COL4A4: variants seen among roughly 807,000 people sequenced by gnomAD.
COL4A4 encodes collagen type IV alpha 4 chain.
A neutral mutation model predicts 192.9 loss-of-function variants in COL4A4; 105 were observed. That is an observed-to-expected ratio of 0.54 (90% CI 0.46 to 0.64). COL4A4 has a LOEUF of 0.64. Among genes scored for constraint, COL4A4 ranks in the 30% least tolerant of loss-of-function variants. The pLI, the probability that COL4A4 is intolerant of heterozygous loss-of-function variation, is 0.00. For missense variants in COL4A4, 1,967 were observed against 2,169.3 expected (o/e 0.91, Z 1.85); for synonymous variants, 762 against 769.9 (o/e 0.99, Z 0.17).
At chr2:227,021,115 C>T (rs914844566) in intron 44 of COL4A4, among the ~76,000 whole-genome samples, 3 of 152,056 alleles carry the variant, frequency 2.0e-5, no homozygotes, top group Non-Finnish European at 4.4e-5. Context: ...GATCCACCCA[C>T]CTCGGCCTCC....
chr2:227,142,088 T>C (rs1248378548), intron 3 of COL4A4, among the ~76,000 whole-genome samples: 2 of 80,172 alleles, frequency 2.5e-5, no homozygotes, highest in South Asian at 3.7e-4. Context: ...TAAAATAGAT[T>C]AGTAGATTCA....
intron 1 of COL4A4, among the ~76,000 whole-genome samples, chr2:227,148,027 C>T (rs541409242): frequency 5.9e-5 from 9 of 152,102 alleles, no homozygotes; most frequent in Non-Finnish European, 1.2e-4. Context: ...TATTTGTACA[C>T]ATACAGCAAA....
intron 3 of COL4A4, among the ~76,000 whole-genome samples, chr2:227,140,801 A>T (rs1253572696): frequency 6.6e-6 from 1 of 151,946 alleles, no homozygotes; most frequent in East Asian, 1.9e-4. Context: ...TTTCTCAAAC[A>T]GAAACTCCTG....
At chr2:227,149,344 A>G (rs1265624436) in intron 1 of COL4A4, among the ~76,000 whole-genome samples, 2 of 152,184 alleles carry the variant, frequency 1.3e-5, no homozygotes, top group Non-Finnish European at 2.9e-5. Flanking sequence ...TGTTTTAGTT[A>G]TAAACTCAGG....
At chr2:227,015,659 G>T (rs184104025) in intron 44 of COL4A4, among the ~76,000 whole-genome samples, 171 of 152,226 alleles carry the variant, frequency 1.1e-3, no homozygotes, top group African/African-American at 4.0e-3. Flanking sequence ...GGCCTTGTTG[G>T]ATTAACTTCT....
chr2:226,995,188 G>T, the COL4A4 span, among the ~76,000 whole-genome samples: 2 of 152,154 alleles, frequency 1.3e-5, no homozygotes, highest in African/African-American at 4.8e-5. Flanking sequence ...ATACAAGTGG[G>T]AAGATTATCA....
intron 11 of COL4A4, 84 bp from the exon 12 acceptor site, chr2:227,108,706 T>C (rs999049000): frequency 6.5e-7 from 1 of 1,530,076 alleles, no homozygotes; most frequent in African/African-American, 1.4e-5. Context: ...GGCTACACAA[T>C]ATATTGCAGT....
intron 10 of COL4A4, 175 bp from the exon 11 acceptor site, chr2:227,109,043 C>T: frequency 1.1e-6 from 1 of 877,932 alleles, no homozygotes; most frequent in South Asian, 1.3e-5. Context: ...GTCAGTGGCT[C>T]ATCCGCAGGG....
chr2:227,050,571 AG>A (rs1223435829), intron 33 of COL4A4, among the ~76,000 whole-genome samples: 1 of 152,234 alleles, frequency 6.6e-6, no homozygotes, highest in Non-Finnish European at 1.5e-5. Flanking sequence ...GGATTCTGAA[AG>A]GGTATTTTAC....
chr2:227,094,350 G>T (rs2060096776), intron 19 of COL4A4, 61 bp from the exon 20 acceptor site: 1 of 1,544,366 alleles, frequency 6.5e-7, no homozygotes, highest in Non-Finnish European at 8.8e-7. Flanking sequence ...CTCTGTAGAA[G>T]AAATCAAGAT....
At chr2:227,128,617 T>G (rs541260849) in intron 4 of COL4A4, among the ~76,000 whole-genome samples, 4 of 152,172 alleles carry the variant, frequency 2.6e-5, no homozygotes, top group African/African-American at 9.6e-5. Flanking sequence ...CTTGTCACCC[T>G]CTTTCCCTCA....
At chr2:227,091,948 A>AAAGAC (rs1032679788) in intron 20 of COL4A4, among the ~76,000 whole-genome samples, 4 of 151,298 alleles carry the variant, frequency 2.6e-5, no homozygotes, top group Non-Finnish European at 4.4e-5. Flanking sequence ...AAAGAAAAGA[A>AAAGAC]AAGACATGAC....
chr2:227,152,015 A>G (rs2063983508), intron 1 of COL4A4, among the ~76,000 whole-genome samples: 1 of 152,212 alleles, frequency 6.6e-6, no homozygotes, highest in Non-Finnish European at 1.5e-5. Context: ...TTTATCATCT[A>G]GAATTAATTT....
At chr2:227,119,081 A>T (rs1488216751) in intron 6 of COL4A4, among the ~76,000 whole-genome samples, 1 of 151,808 alleles carries the variant, frequency 6.6e-6, no homozygotes, top group Non-Finnish European at 1.5e-5. Context: ...TTCCATTTTC[A>T]TATGAGAAAT....
In COL4A4 at chr2:227,002,800, C is replaced by G. The variant is rs1013636537; in HGVS notation, c.*4525G>C. The G allele has an allele frequency of 1.3e-5, 2 of 152,596 alleles. No individual in the cohort carries two copies. The highest frequency in any genetic ancestry group is 2.1e-4 in the South Asian group (1 of 4,832). 9.5% of individuals were successfully genotyped at this position (152,596 alleles called of 1,614,324 possible). ...AAATATTTAAGTGCCAATGGCAGAC[C>G]AGGCATCTTGCAAAAGTTACATGCT... is the stretch of plus-strand genomic sequence containing the variant. On this transcript the variant is annotated 3_prime_UTR_variant, in exon 48 of 48. Transcript: ENST00000396625.
At chr2:227,050,904 A>T in intron 33 of COL4A4, 73 bp downstream of exon 33, 2 of 1,578,982 alleles carry the variant, frequency 1.3e-6, no homozygotes, top group Non-Finnish European at 1.7e-6. Flanking sequence ...CTGGCAAATT[A>T]TAGCTCCTTA....
At position 227,007,289 on chromosome 2, in the gene COL4A4, T is replaced by A; in HGVS notation, c.*36A>T. 1 of 1,614,072 alleles carries A rather than the reference T, an allele frequency of 6.2e-7. No individual in the cohort carries two copies. Among genetic ancestry groups the A allele is most frequent in the African/African-American group, 1.3e-5 (1 of 75,050 alleles). On this transcript the variant is annotated 3_prime_UTR_variant, in exon 48 of 48. Transcript: ENST00000396625. ...TAGGAAGTCTTAGCCCCCTAGGAAG[T>A]TTCTCTTGGCCACGTGTTGGTGAAT...
chr2:227,046,747 G>A (rs1465429877), intron 35 of COL4A4, among the ~76,000 whole-genome samples: 1 of 151,986 alleles, frequency 6.6e-6, no homozygotes, highest in Non-Finnish European at 1.5e-5. Context: ...AACTCAAATG[G>A]TTTCCCTTTC....
chr2:227,069,298 C>T (rs1328068219), intron 25 of COL4A4, among the ~76,000 whole-genome samples: 9 of 151,838 alleles, frequency 5.9e-5, no homozygotes, highest in Non-Finnish European at 1.5e-5. Flanking sequence ...CTGCCCAAGG[C>T]AATTTACAGA....
Sources: gnomAD v4.1 joint callset for allele counts (sites outside exome capture counted in the v4.1 genomes callset) on GRCh38, gnomAD v4.1.1 for gene constraint, MANE v1.5 for transcripts, NCBI Gene and HGNC (gene_info 2026-07-23, HGNC 2026-07-21) for gene names.